The following PCDH15 variants were observed in gnomAD, a reference collection of about 807,000 sequenced individuals.
The protein encoded by PCDH15 is protocadherin related 15.
Under a neutral mutation model 178.5 loss-of-function variants are expected in PCDH15, and 129 were observed. The ratio of observed to expected loss-of-function variants is 0.72; its 90% CI spans 0.63 to 0.84. The LOEUF (loss-of-function observed/expected upper bound fraction) is 0.84, where lower values mean the gene tolerates loss of function less well. Ranked by LOEUF, PCDH15 falls within the 40% of genes least tolerant of loss-of-function variation. PCDH15 has a pLI of 0.00. For missense variants in PCDH15, 2,230 were observed against 2,099.9 expected (o/e 1.06, Z -1.21); for synonymous variants, 800 against 732.0 (o/e 1.09, Z -1.50).
chr10:53,823,678 G>A (rs755254461), intron 32 of PCDH15: 15 of 475,566 alleles, frequency 3.2e-5, no homozygotes, highest in Non-Finnish European at 4.6e-5. Context: ...ATGTCCACAC[G>A]TAACAGTTCC....
At chr10:54,457,094 T>TAA (rs1400558672) in intron 3 of PCDH15, among the ~76,000 whole-genome samples, 9 of 152,140 alleles carry the variant, frequency 5.9e-5, no homozygotes, top group African/African-American at 2.2e-4. Flanking sequence ...CAATTCAAGT[T>TAA]AAGGTAAGAG....
At chr10:55,558,681 C>A (rs531954955) in intron 2 of PCDH15, among the ~76,000 whole-genome samples, 243 of 152,060 alleles carry the variant, frequency 1.6e-3, no homozygotes, top group African/African-American at 5.5e-3. Flanking sequence ...CTAGCATTGC[C>A]ATAAATTTGT....
chr10:54,529,619 C>A (rs2083705597), intron 2 of PCDH15, among the ~76,000 whole-genome samples: 1 of 151,988 alleles, frequency 6.6e-6, no homozygotes, highest in Non-Finnish European at 1.5e-5. Context: ...TGGAATGTAG[C>A]CTGTATTTTT....
At chr10:54,711,625 T>A (rs2095428908) in intron 1 of PCDH15, among the ~76,000 whole-genome samples, 1 of 151,930 alleles carries the variant, frequency 6.6e-6, no homozygotes, top group African/African-American at 2.4e-5. Flanking sequence ...ATCACCTTTA[T>A]AATATCCATA....
intron 2 of PCDH15, among the ~76,000 whole-genome samples, chr10:55,605,698 G>A (rs371850182): frequency 4.3e-4 from 46 of 106,946 alleles, no homozygotes; most frequent in Admixed American, 9.6e-4. Flanking sequence ...ATTCAACAAC[G>A]CTTCATGCTA....
At chr10:54,420,717 G>A (rs1248549372) in intron 3 of PCDH15, among the ~76,000 whole-genome samples, 1 of 152,052 alleles carries the variant, frequency 6.6e-6, no homozygotes, top group African/African-American at 2.4e-5. Context: ...ATAAGCAAGA[G>A]ATGATGTTGG....
chr10:54,993,963 A>T (rs74887323), intron 2 of PCDH15, among the ~76,000 whole-genome samples: 1 of 152,116 alleles, frequency 6.6e-6, no homozygotes, highest in Non-Finnish European at 1.5e-5. Context: ...TTTTTCAAAC[A>T]CTTTTCACCT....
chr10:55,149,350 GTTGGTAATATTATAAATATTAC>G (rs1459114792), intron 2 of PCDH15, among the ~76,000 whole-genome samples: 8 of 151,700 alleles, frequency 5.3e-5, no homozygotes, highest in African/African-American at 1.9e-4. Flanking sequence ...GCCTTAAAAT[GTTGGTAATATTATAAATATTAC>G]CAAAAACGTA....
At chr10:54,398,006 T>C (rs1325978981) in intron 3 of PCDH15, among the ~76,000 whole-genome samples, 1 of 151,880 alleles carries the variant, frequency 6.6e-6, no homozygotes. Context: ...CAAATATGAG[T>C]TTTTGTTATT....
At chr10:54,836,724 T>C (rs1953323828) in intron 3 of PCDH15, among the ~76,000 whole-genome samples, 1 of 152,000 alleles carries the variant, frequency 6.6e-6, no homozygotes, top group Admixed American at 6.6e-5. Context: ...TAACAATAGA[T>C]TGAGATGAAG....
At chr10:54,910,210 C>T (rs1256893552) in intron 2 of PCDH15, among the ~76,000 whole-genome samples, 1 of 152,128 alleles carries the variant, frequency 6.6e-6, no homozygotes, top group Non-Finnish European at 1.5e-5. Flanking sequence ...GATGGCAGCA[C>T]CTGCTCCAGA....
chr10:54,117,489 G>A (rs1278989057), intron 15 of PCDH15, among the ~76,000 whole-genome samples: 1 of 152,106 alleles, frequency 6.6e-6, no homozygotes, highest in Non-Finnish European at 1.5e-5. Context: ...GTGGTGTCGG[G>A]GATGGGGTGC....
chr10:55,211,154 A>G (rs1301601120), intron 1 of PCDH15, among the ~76,000 whole-genome samples: 1 of 152,102 alleles, frequency 6.6e-6, no homozygotes, highest in Non-Finnish European at 1.5e-5. Context: ...GGTAACAAGA[A>G]TGAGACCAAA....
At chr10:55,239,803 A>C (rs1013060353) in intron 1 of PCDH15, among the ~76,000 whole-genome samples, 20 of 152,160 alleles carry the variant, frequency 1.3e-4, no homozygotes, top group Non-Finnish European at 2.1e-4. Flanking sequence ...AAAGATTAAT[A>C]AGCAGACTAT....
At chr10:54,309,735 G>C (rs1477173347) in intron 8 of PCDH15, among the ~76,000 whole-genome samples, 1 of 151,922 alleles carries the variant, frequency 6.6e-6, no homozygotes, top group African/African-American at 2.4e-5. Context: ...GGCATAGGTT[G>C]CAGTGAGCCA....
intron 2 of PCDH15, among the ~76,000 whole-genome samples, chr10:55,496,315 C>A (rs532936304): frequency 1.3e-4 from 19 of 151,920 alleles, no homozygotes; most frequent in African/African-American, 4.3e-4. Context: ...TGCGCGTGCA[C>A]ACACACAGAC....
At chr10:55,019,216 CAT>C (rs1257531531) in intron 2 of PCDH15, among the ~76,000 whole-genome samples, 1 of 65,930 alleles carries the variant, frequency 1.5e-5, no homozygotes, top group Non-Finnish European at 5.5e-5. Context: ...ACTGAACTTA[CAT>C]TACATCAAGA....
At chr10:54,676,543 A>G (rs1590988378) in intron 1 of PCDH15, among the ~76,000 whole-genome samples, 1 of 152,272 alleles carries the variant, frequency 6.6e-6, no homozygotes, top group East Asian at 1.9e-4. Flanking sequence ...AACAAAAACA[A>G]AAGATTGAAC....
intron 1 of PCDH15, among the ~76,000 whole-genome samples, chr10:54,784,132 C>G (rs1024722240): frequency 6.6e-5 from 10 of 151,972 alleles, no homozygotes; most frequent in Non-Finnish European, 1.2e-4. Flanking sequence ...ATTTAATTAG[C>G]TCCACCTAGC....
Sources: allele counts gnomAD v4.1 joint callset (sites outside exome capture counted in the v4.1 genomes callset), GRCh38; gene constraint gnomAD v4.1.1; transcripts MANE v1.5; gene names NCBI Gene and HGNC (gene_info 2026-07-23, HGNC 2026-07-21).